DIS3L2: variants seen among roughly 807,000 people sequenced by gnomAD.
DIS3L2 encodes DIS3-like exonuclease 2.
Under a neutral mutation model 97.5 loss-of-function variants are expected in DIS3L2, and 34 were observed. The ratio of observed to expected loss-of-function variants is 0.35; its 90% CI spans 0.27 to 0.46. DIS3L2 has a LOEUF of 0.46. DIS3L2 is among the 20% of genes least tolerant of loss of function. The probability of loss-of-function intolerance (pLI) is 1.00; values close to 1 mark genes in which losing one functional copy is unlikely to be tolerated. For synonymous variants in DIS3L2, 435 were observed against 445.2 expected, an observed-to-expected ratio of 0.98 and a Z score of 0.29; for missense variants, 1,038 against 1,146.0, an observed-to-expected ratio of 0.91 and a Z score of 1.36.
At position 232,046,873 on chromosome 2, in the gene DIS3L2, G is replaced by A. The variant is rs573135138; in HGVS notation, c.366+16793G>A. On this transcript the variant is annotated intron_variant, in intron 5 of 20. Coordinates refer to ENST00000325385, the MANE Select transcript of DIS3L2 (RefSeq NM_152383.5). Reference sequence around the variant, plus strand: ...TTGCTGTATTTTCCAGGCTGGTCTCGAACCCTAGGTTCAAGGTGTCCTCCT... The same window carrying A: ...TTGCTGTATTTTCCAGGCTGGTCTCAAACCCTAGGTTCAAGGTGTCCTCCT... Among the ~76,000 whole-genome samples the A allele has an allele frequency of 5.3e-5, 8 of 152,096 alleles. No individual in the cohort carries two copies. In the South Asian group the frequency reaches 1.5e-3, roughly 28 times the overall value.
At chr2:232,033,573 C>A (rs113197241) in intron 5 of DIS3L2, among the ~76,000 whole-genome samples, 1 of 152,124 alleles carries the variant, frequency 6.6e-6, no homozygotes, top group South Asian at 2.1e-4. Context: ...ATGCTTCCAG[C>A]TTTTGCCCAT....
chr2:232,130,801 G>A (rs889850032), intron 7 of DIS3L2, 82 bp downstream of exon 7: 2 of 1,515,780 alleles, frequency 1.3e-6, no homozygotes, highest in East Asian at 2.5e-5. Flanking sequence ...GATTCAGTCA[G>A]GACTGTATTT....
intron 10 of DIS3L2, among the ~76,000 whole-genome samples, chr2:232,226,612 G>A (rs567923419): frequency 2.6e-5 from 4 of 152,310 alleles, no homozygotes; most frequent in South Asian, 4.1e-4. Flanking sequence ...GAACTTGAGC[G>A]TGTGTCATGA....
At chr2:232,063,170 C>T (rs1695760220) in intron 5 of DIS3L2, among the ~76,000 whole-genome samples, 1 of 152,142 alleles carries the variant, frequency 6.6e-6, no homozygotes, top group Non-Finnish European at 1.5e-5. Flanking sequence ...ATCCCCATTG[C>T]ACCATGTTAT....
chr2:232,230,572 A>G (rs2106243631), intron 10 of DIS3L2, among the ~76,000 whole-genome samples: 1 of 152,310 alleles, frequency 6.6e-6, no homozygotes, highest in Admixed American at 6.5e-5. Context: ...AGGAAGTCCA[A>G]CATCTGTTCT....
In DIS3L2 at chr2:231,991,448, T is replaced by C. The variant is rs1423896629; in HGVS notation, c.-93-23387T>C. On this transcript the variant is annotated intron_variant, in intron 1 of 20. Transcript: ENST00000325385. ...CACCATCTGGCTAATTTTTAGATTT[T>C]TGGTAGAGATGAAGTTGGGCTATGT... 2.0e-5 allele frequency among the ~76,000 whole-genome samples: 3 copies of C among 152,060 alleles called. No homozygotes were observed. In the East Asian group the frequency reaches 5.8e-4, roughly 29 times the overall value.
chr2:232,126,602 A>G (rs1239147639), intron 6 of DIS3L2, among the ~76,000 whole-genome samples: 1 of 152,224 alleles, frequency 6.6e-6, no homozygotes, highest in African/African-American at 2.4e-5. Context: ...GTCACTAACA[A>G]CACACTTTCC....
chr2:232,050,563 A>T (rs1695373395), intron 5 of DIS3L2, among the ~76,000 whole-genome samples: 1 of 151,900 alleles, frequency 6.6e-6, no homozygotes, highest in South Asian at 2.1e-4. Context: ...GGCGTGAGCC[A>T]CTGCACCCGG....
chr2:232,335,103 C>G (rs904677561), intron 19 of DIS3L2: 3 of 231,962 alleles, frequency 1.3e-5, no homozygotes, highest in African/African-American at 4.6e-5. Flanking sequence ...AGGAAGAGAG[C>G]TGTCCCTGGC....
At chr2:232,015,120 A>T (rs1486561115) in intron 2 of DIS3L2, 141 bp downstream of exon 2, 3 of 801,134 alleles carry the variant, frequency 3.7e-6, no homozygotes, top group African/African-American at 1.8e-5. Flanking sequence ...TGTGTGATTT[A>T]TTCTAGAATT....
At chr2:232,094,910 T>C (rs1226049574) in intron 6 of DIS3L2, among the ~76,000 whole-genome samples, 1 of 152,106 alleles carries the variant, frequency 6.6e-6, no homozygotes, top group Non-Finnish European at 1.5e-5. Context: ...ATAGTGATCT[T>C]CTTTTTCTCT....
intron 12 of DIS3L2, among the ~76,000 whole-genome samples, chr2:232,255,285 T>G (rs1693529813): frequency 6.6e-6 from 1 of 152,224 alleles, no homozygotes; most frequent in African/African-American, 2.4e-5. Flanking sequence ...GTGACTTCTC[T>G]TGGCGTAAAG....
At chr2:232,253,183 A>C (rs1453568259) in intron 12 of DIS3L2, among the ~76,000 whole-genome samples, 1 of 152,216 alleles carries the variant, frequency 6.6e-6, no homozygotes, top group Non-Finnish European at 1.5e-5. Flanking sequence ...TAAAATTAAT[A>C]ATTTTTACTC....
intron 14 of DIS3L2, among the ~76,000 whole-genome samples, chr2:232,302,078 C>T (rs1306726140): frequency 1.3e-5 from 2 of 151,848 alleles, no homozygotes; most frequent in East Asian, 1.9e-4. Flanking sequence ...AAGTTTTGGC[C>T]CCCAAAGACC....
chr2:232,334,576 CGAG>C (rs1230315797), intron 18 of DIS3L2, 52 bp from the exon 19 acceptor site: 1 of 1,601,542 alleles, frequency 6.2e-7, no homozygotes, highest in Non-Finnish European at 8.5e-7. Flanking sequence ...CAGGAGGCCT[CGAG>C]GAGCCCAGGG....
chr2:232,239,012 T>A (rs1448783689), intron 11 of DIS3L2, among the ~76,000 whole-genome samples: 2 of 152,208 alleles, frequency 1.3e-5, no homozygotes, highest in African/African-American at 4.8e-5. Flanking sequence ...GATTTCCTAT[T>A]ACTGTAAGCC....
At chr2:232,256,951 C>G (rs1693583076) in intron 12 of DIS3L2, among the ~76,000 whole-genome samples, 1 of 152,026 alleles carries the variant, frequency 6.6e-6, no homozygotes, top group Admixed American at 6.6e-5. Flanking sequence ...AACCCTGTCT[C>G]TACTAAAAAT....
intron 8 of DIS3L2, among the ~76,000 whole-genome samples, chr2:232,144,905 C>T (rs1002863320): frequency 2.0e-5 from 3 of 152,156 alleles, no homozygotes; most frequent in Admixed American, 1.3e-4. Context: ...GGGAAAGATA[C>T]CACAGAGGTG....
At chr2:232,087,151 A>G (rs1389551039) in intron 5 of DIS3L2, among the ~76,000 whole-genome samples, 3 of 151,866 alleles carry the variant, frequency 2.0e-5, no homozygotes, top group South Asian at 4.2e-4. Flanking sequence ...AATTGTTCCT[A>G]TATGGTGAGG....
Sources: allele counts gnomAD v4.1 joint callset (sites outside exome capture counted in the v4.1 genomes callset), GRCh38; gene constraint gnomAD v4.1.1; transcripts MANE v1.5; gene names NCBI Gene and HGNC (gene_info 2026-07-23, HGNC 2026-07-21).